Variants in CHMP4B observed in about 807,000 individuals in gnomAD.
CHMP4B encodes SNF7 homolog associated with Alix 1.
A neutral mutation model predicts 25.1 loss-of-function variants in CHMP4B; 1 was observed. That is an observed-to-expected ratio of 0.04 (90% CI 0.01 to 0.19). The LOEUF is 0.19. Among genes scored for constraint, CHMP4B ranks in the 10% least tolerant of loss-of-function variants. The pLI, the probability that CHMP4B is intolerant of heterozygous loss-of-function variation, is 1.00. For missense variants in CHMP4B, 151 were observed against 289.7 expected, an observed-to-expected ratio of 0.52 and a Z score of 3.48; for synonymous variants, 101 against 115.6, an observed-to-expected ratio of 0.87 and a Z score of 0.81.
intron 1 of CHMP4B, among the ~76,000 whole-genome samples, chr20:33,817,582 G>A (rs1487411286): frequency 6.6e-6 from 1 of 152,186 alleles, no homozygotes; most frequent in Non-Finnish European, 1.5e-5. Context: ...TCTCCGAGGC[G>A]TAAAGCCAGG....
intron 1 of CHMP4B, among the ~76,000 whole-genome samples, chr20:33,842,512 G>A (rs926224589): frequency 2.0e-5 from 3 of 152,194 alleles, no homozygotes; most frequent in Admixed American, 6.5e-5. Context: ...ATTGCTGGAG[G>A]CAGGCAAAGT....
At chr20:33,822,639 G>T (rs1429549963) in intron 1 of CHMP4B, among the ~76,000 whole-genome samples, 1 of 152,200 alleles carries the variant, frequency 6.6e-6, no homozygotes, top group African/African-American at 2.4e-5. Context: ...ACTGATGTCA[G>T]CCTGGCATTC....
intron 1 of CHMP4B, among the ~76,000 whole-genome samples, chr20:33,812,740 T>C (rs1601313433): frequency 6.6e-6 from 1 of 152,154 alleles, no homozygotes; most frequent in African/African-American, 2.4e-5. Flanking sequence ...TTGAGCTCAT[T>C]TACCTTTCTG....
chr20:33,837,513 A>C (rs1979423337), intron 1 of CHMP4B, among the ~76,000 whole-genome samples: 1 of 151,860 alleles, frequency 6.6e-6, no homozygotes, highest in Non-Finnish European at 1.5e-5. Flanking sequence ...CAAGGCTGAC[A>C]GGAGAGAGGA....
intron 4 of CHMP4B, 60 bp from the exon 5 acceptor site, chr20:33,853,436 C>T: frequency 6.6e-7 from 1 of 1,518,740 alleles, no homozygotes; most frequent in South Asian, 1.1e-5. Context: ...GCCCTCATTT[C>T]CGGCCAGAAC....
chr20:33,843,325 A>T (rs1048009446), intron 1 of CHMP4B, among the ~76,000 whole-genome samples: 1 of 152,218 alleles, frequency 6.6e-6, no homozygotes, highest in Non-Finnish European at 1.5e-5. Context: ...GGCATAATTA[A>T]ATATGGAGAT....
At chr20:33,814,112 G>C (rs1978717689) in intron 1 of CHMP4B, among the ~76,000 whole-genome samples, 1 of 152,252 alleles carries the variant, frequency 6.6e-6, no homozygotes, top group African/African-American at 2.4e-5. Context: ...ACCAATCTCA[G>C]TTGTCAGACT....
At chr20:33,846,868 A>C (rs1201227480) in intron 1 of CHMP4B, among the ~76,000 whole-genome samples, 1 of 152,202 alleles carries the variant, frequency 6.6e-6, no homozygotes, top group African/African-American at 2.4e-5. Flanking sequence ...CTTCTGACAG[A>C]GTCTGTGCTA....
intron 1 of CHMP4B, among the ~76,000 whole-genome samples, chr20:33,847,412 G>T (rs1979715815): frequency 6.6e-6 from 1 of 151,960 alleles, no homozygotes; most frequent in Non-Finnish European, 1.5e-5. Flanking sequence ...GTCATATTTT[G>T]GGGTGGTGTG....
At position 33,853,606 on chromosome 20, in the gene CHMP4B, G is replaced by A. The variant is rs199542096; in HGVS notation, c.*46G>A. 683 of 1,534,956 alleles carry A rather than the reference G, an allele frequency of 4.4e-4. 7 individuals are homozygous for A. In the African/African-American group the frequency reaches 7.6e-3, roughly 17 times the overall value. Reference sequence around the variant, plus strand: ...GCCCAGACAGACTGTGGTGGCCTGCGCAGCGAGCAGGCGTGTGCGTGTGTG... The same window carrying A: ...GCCCAGACAGACTGTGGTGGCCTGCACAGCGAGCAGGCGTGTGCGTGTGTG... On this transcript the variant is annotated 3_prime_UTR_variant, in exon 5 of 5. Transcript: ENST00000217402.
At chr20:33,829,584 A>G (rs1311640821) in intron 1 of CHMP4B, among the ~76,000 whole-genome samples, 1 of 152,202 alleles carries the variant, frequency 6.6e-6, no homozygotes, top group Non-Finnish European at 1.5e-5. Context: ...AAAAATTTCA[A>G]TTTCTTATGT....
chr20:33,811,873 C>T (rs547104782), intron 1 of CHMP4B, among the ~76,000 whole-genome samples: 2 of 152,252 alleles, frequency 1.3e-5, no homozygotes, highest in Admixed American at 6.5e-5. Flanking sequence ...TGCCCTCTCC[C>T]CTCAGCCTCT....
chr20:33,833,992 G>T (rs978588905), intron 1 of CHMP4B, among the ~76,000 whole-genome samples: 1 of 152,216 alleles, frequency 6.6e-6, no homozygotes, highest in Non-Finnish European at 1.5e-5. Flanking sequence ...CTAAGCCGTT[G>T]CATCCTTTGT....
intron 1 of CHMP4B, among the ~76,000 whole-genome samples, chr20:33,831,874 C>A (rs1979261759): frequency 6.6e-6 from 1 of 152,174 alleles, no homozygotes; most frequent in East Asian, 1.9e-4. Context: ...GTGTGAGCCA[C>A]CGTGTCTGAC....
At chr20:33,831,224 A>T (rs1394890117) in intron 1 of CHMP4B, among the ~76,000 whole-genome samples, 1 of 151,768 alleles carries the variant, frequency 6.6e-6, no homozygotes, top group African/African-American at 2.4e-5. Context: ...CCTCCAGAGT[A>T]GCTAGGATTA....
intron 1 of CHMP4B, among the ~76,000 whole-genome samples, chr20:33,840,071 C>G (rs1979492417): frequency 6.6e-6 from 1 of 152,150 alleles, no homozygotes; most frequent in Non-Finnish European, 1.5e-5. Flanking sequence ...CTTTCTTAGA[C>G]ATACTGGGCT....
chr20:33,838,545 C>T (rs1979451688), intron 1 of CHMP4B, among the ~76,000 whole-genome samples: 1 of 152,166 alleles, frequency 6.6e-6, no homozygotes, highest in Admixed American at 6.5e-5. Context: ...TTCAAATTTA[C>T]GTATTAAGAC....
At chr20:33,822,011 G>C (rs1471690985) in intron 1 of CHMP4B, among the ~76,000 whole-genome samples, 3 of 151,040 alleles carry the variant, frequency 2.0e-5, no homozygotes, top group African/African-American at 4.9e-5. Flanking sequence ...TTTTTGTAGA[G>C]ATGGGGTTTT....
At chr20:33,811,866 C>T (rs1365343391) in intron 1 of CHMP4B, among the ~76,000 whole-genome samples, 6 of 151,998 alleles carry the variant, frequency 3.9e-5, no homozygotes, top group African/African-American at 1.5e-4. Context: ...CTTATTCTGC[C>T]CTCTCCCCTC....
Sources: allele counts gnomAD v4.1 joint callset (sites outside exome capture counted in the v4.1 genomes callset), GRCh38; gene constraint gnomAD v4.1.1; transcripts MANE v1.5; gene names NCBI Gene and HGNC (gene_info 2026-07-23, HGNC 2026-07-21).